AOAH: variants seen among roughly 807,000 people sequenced by gnomAD.
The protein encoded by AOAH is acyloxyacyl hydrolase (neutrophil).
A neutral mutation model predicts 92.2 loss-of-function variants in AOAH; 64 were observed. The ratio of observed to expected loss-of-function variants is 0.69; its 90% CI spans 0.57 to 0.86. AOAH has a LOEUF of 0.86. Among genes scored for constraint, AOAH ranks in the 40% least tolerant of loss-of-function variants. The probability of loss-of-function intolerance (pLI) is 0.00; values close to 1 mark genes in which losing one functional copy is unlikely to be tolerated. For synonymous variants in AOAH, 263 were observed against 254.5 expected (o/e 1.03, Z -0.32); for missense variants, 656 against 694.6 (o/e 0.94, Z 0.62).
At chr7:36,722,939 A>AG (rs1799735152) in intron 1 of AOAH, among the ~76,000 whole-genome samples, 1 of 145,338 alleles carries the variant, frequency 6.9e-6, no homozygotes, top group Non-Finnish European at 1.5e-5. Context: ...ATCTCAGAAA[A>AG]AAAAAAAAAA....
Position 36,630,342 on chromosome 7 carries a change from T to C in AOAH, c.521+1694A>G, listed in dbSNP as rs553950661. 3.7e-4 allele frequency among the ~76,000 whole-genome samples: 56 copies of C among 152,372 alleles called. 1 individual carries two copies. The highest frequency in any genetic ancestry group is 1.2e-3 in the South Asian group (6 of 4,828). Reference sequence around the variant, plus strand: ...GTGTGTTCTCAGCCATCCACAAGGCTGAGCTAGCACAGGCTAAAGTAATAG... The same window carrying C: ...GTGTGTTCTCAGCCATCCACAAGGCCGAGCTAGCACAGGCTAAAGTAATAG... On this transcript the variant is annotated intron_variant, in intron 6 of 20. Transcript: ENST00000617537.
intron 4 of AOAH, among the ~76,000 whole-genome samples, chr7:36,643,993 G>C (rs1454827767): frequency 6.6e-6 from 1 of 152,198 alleles, no homozygotes; most frequent in Non-Finnish European, 1.5e-5. Flanking sequence ...CCTATTTCAA[G>C]TATCTCTTTA....
Position 36,594,323 on chromosome 7 carries a change from G to A in AOAH, c.938+16C>T, listed in dbSNP as rs769064397. Reference sequence around the variant, plus strand: ...CAGAGGTATTGAAATGTCTGAGGGTGCACAAAGACACTTACCCAACAGTGG... The same window carrying A: ...CAGAGGTATTGAAATGTCTGAGGGTACACAAAGACACTTACCCAACAGTGG... On this transcript the variant is annotated intron_variant, in intron 12 of 20. Coordinates refer to ENST00000617537, the MANE Select transcript of AOAH (RefSeq NM_001637.4). 1.9e-6 allele frequency: 3 copies of A among 1,593,696 alleles called. No individual in the cohort carries two copies. Among genetic ancestry groups the A allele is most frequent in the East Asian group, 4.5e-5 (2 of 44,754 alleles).
intron 19 of AOAH, among the ~76,000 whole-genome samples, chr7:36,526,833 A>G (rs998864587): frequency 1.3e-5 from 2 of 152,330 alleles, no homozygotes; most frequent in Non-Finnish European, 1.5e-5. Context: ...ACACTAGCAG[A>G]TATTTTAAAG....
intron 4 of AOAH, among the ~76,000 whole-genome samples, chr7:36,655,907 G>A (rs142802000): frequency 3.4e-4 from 52 of 152,224 alleles, no homozygotes; most frequent in Middle Eastern, 3.4e-3. Context: ...TTCAAGAAAG[G>A]AATATACAGG....
intron 16 of AOAH, among the ~76,000 whole-genome samples, chr7:36,535,256 T>C (rs923336066): frequency 6.6e-6 from 1 of 152,034 alleles, no homozygotes; most frequent in African/African-American, 2.4e-5. Context: ...AGATCAAAGG[T>C]GTGTTCTTCC....
chr7:36,685,698 G>A (rs190022446), intron 2 of AOAH, among the ~76,000 whole-genome samples: 41 of 152,280 alleles, frequency 2.7e-4, no homozygotes, highest in African/African-American at 9.6e-4. Flanking sequence ...TGGAAGAAGG[G>A]AAAGCTGAAG....
In AOAH at chr7:36,602,825, C is replaced by T. The variant is rs201987212; in HGVS notation, c.847-8395G>A. Among the ~76,000 whole-genome samples, 39 of 152,276 alleles carry T rather than the reference C, an allele frequency of 2.6e-4. No homozygotes were observed. In the East Asian group the frequency reaches 7.1e-3, roughly 28 times the overall value. On this transcript the variant is annotated intron_variant, in intron 11 of 20. Coordinates refer to ENST00000617537, the MANE Select transcript of AOAH (RefSeq NM_001637.4). The stretch of plus-strand genomic sequence containing the variant: ...ACAGAGGGGAAAGTGGAGAAGACCT[C>T]ACTGGGGCCACCTGCTCACCAGGAC...
At chr7:36,602,494 T>C (rs1403128120) in intron 11 of AOAH, among the ~76,000 whole-genome samples, 1 of 150,518 alleles carries the variant, frequency 6.6e-6, no homozygotes, top group Non-Finnish European at 1.5e-5. Context: ...TTTAGATACA[T>C]AAAAGCAAGA....
intron 3 of AOAH, among the ~76,000 whole-genome samples, chr7:36,660,261 A>G (rs1795131559): frequency 2.6e-5 from 4 of 152,034 alleles, no homozygotes; most frequent in African/African-American, 7.3e-5. Context: ...CGTGCTTGAC[A>G]TTATTATTAC....
At chr7:36,577,556 C>T (rs1229275107) in intron 12 of AOAH, among the ~76,000 whole-genome samples, 1 of 152,098 alleles carries the variant, frequency 6.6e-6, no homozygotes, top group Non-Finnish European at 1.5e-5. Flanking sequence ...CTAATAAACA[C>T]AGAGCTTACG....
chr7:36,653,786 G>A (rs1794716149), intron 4 of AOAH, among the ~76,000 whole-genome samples: 1 of 152,094 alleles, frequency 6.6e-6, no homozygotes, highest in African/African-American at 2.4e-5. Flanking sequence ...GGAGATGTTG[G>A]TAAATGCAGC....
intron 4 of AOAH, among the ~76,000 whole-genome samples, chr7:36,648,604 C>G (rs1303339985): frequency 6.7e-6 from 1 of 148,920 alleles, no homozygotes; most frequent in Admixed American, 6.7e-5. Flanking sequence ...ATTACAAATA[C>G]AATTGCTCAG....
chr7:36,587,751 A>G (rs992144740), intron 12 of AOAH, among the ~76,000 whole-genome samples: 5 of 152,216 alleles, frequency 3.3e-5, no homozygotes, highest in African/African-American at 1.2e-4. Flanking sequence ...ATTTTCTTTG[A>G]AAGCTCAAAT....
At chr7:36,669,353 A>G (rs1480076827) in intron 3 of AOAH, among the ~76,000 whole-genome samples, 2 of 151,050 alleles carry the variant, frequency 1.3e-5, no homozygotes, top group African/African-American at 4.9e-5. Context: ...TCTTGGGAAT[A>G]ACAGAATTAT....
At chr7:36,602,291 T>G (rs1790669186) in intron 11 of AOAH, among the ~76,000 whole-genome samples, 1 of 152,182 alleles carries the variant, frequency 6.6e-6, no homozygotes, top group African/African-American at 2.4e-5. Context: ...GTTTCTTTCT[T>G]TTCCTTTTCT....
intron 13 of AOAH, among the ~76,000 whole-genome samples, chr7:36,564,589 A>G (rs930971623): frequency 1.3e-5 from 2 of 152,252 alleles, no homozygotes; most frequent in African/African-American, 4.8e-5. Context: ...AGCAGCAGAT[A>G]ACTTTCCCTG....
At chr7:36,581,833 C>T (rs975501033) in intron 12 of AOAH, among the ~76,000 whole-genome samples, 3 of 152,064 alleles carry the variant, frequency 2.0e-5, no homozygotes, top group African/African-American at 4.8e-5. Flanking sequence ...GGGATGAAAG[C>T]CTTGTACCAA....
At chr7:36,562,713 A>G (rs775317135) in intron 13 of AOAH, among the ~76,000 whole-genome samples, 1 of 152,112 alleles carries the variant, frequency 6.6e-6, no homozygotes, top group Non-Finnish European at 1.5e-5. Flanking sequence ...CTCCCTTCCC[A>G]TGATCTCTCT....
Sources: gnomAD v4.1 joint callset for allele counts (sites outside exome capture counted in the v4.1 genomes callset) on GRCh38, gnomAD v4.1.1 for gene constraint, MANE v1.5 for transcripts, NCBI Gene and HGNC (gene_info 2026-07-23, HGNC 2026-07-21) for gene names.